Variants in PDE4D observed in about 807,000 individuals in gnomAD.
PDE4D encodes 3',5'-cyclic-AMP phosphodiesterase 4D.
Under a neutral mutation model 87.4 loss-of-function variants are expected in PDE4D, and 24 were observed. The observed-to-expected ratio is 0.27, with a 90% CI of 0.20 to 0.39. PDE4D has a LOEUF of 0.39. Ranked by LOEUF, PDE4D falls within the 10% of genes least tolerant of loss-of-function variation. The pLI is 1.00. For missense variants in PDE4D, 714 were observed against 1,041.0 expected, an observed-to-expected ratio of 0.69 and a Z score of 4.32; for synonymous variants, 384 against 383.2, an observed-to-expected ratio of 1.00 and a Z score of -0.02.
intron 1 of PDE4D, among the ~76,000 whole-genome samples, chr5:59,795,196 C>T (rs1289116978): frequency 6.6e-6 from 1 of 152,224 alleles, no homozygotes; most frequent in Admixed American, 6.5e-5. Flanking sequence ...ATTGATTGAG[C>T]ATTCACCATT....
intron 1 of PDE4D, among the ~76,000 whole-genome samples, chr5:59,613,643 T>C (rs944930787): frequency 3.9e-5 from 6 of 152,282 alleles, no homozygotes; most frequent in Admixed American, 2.0e-4. Flanking sequence ...CTTGAGACCC[T>C]GGGGAAGAGA....
intron 1 of PDE4D, among the ~76,000 whole-genome samples, chr5:59,395,713 C>T (rs2547921): frequency 0.16 from 21,830 of 132,910 alleles, 2,411 homozygotes; most frequent in East Asian, 0.22. Flanking sequence ...TCACCAGCAA[C>T]AGAACAAAGC....
intron 3 of PDE4D, among the ~76,000 whole-genome samples, chr5:59,905,169 G>C (rs1394774641): frequency 1.3e-5 from 2 of 152,200 alleles, no homozygotes; most frequent in East Asian, 1.9e-4. Context: ...TATTACCAAG[G>C]CTGAGTAGTT....
intron 1 of PDE4D, among the ~76,000 whole-genome samples, chr5:60,518,786 T>C (rs968404013): frequency 1.3e-5 from 2 of 152,216 alleles, no homozygotes; most frequent in African/African-American, 2.4e-5. Context: ...AGGACACTAA[T>C]GCACAACCCA....
intron 6 of PDE4D, among the ~76,000 whole-genome samples, chr5:59,030,477 T>C (rs886921364): frequency 3.5e-5 from 5 of 143,988 alleles, no homozygotes; most frequent in Non-Finnish European, 7.5e-5. Context: ...CAGTGGCTCA[T>C]GCCTGTAATC....
intron 2 of PDE4D, among the ~76,000 whole-genome samples, chr5:60,036,746 G>A (rs969060884): frequency 1.2e-4 from 19 of 152,154 alleles, no homozygotes; most frequent in Admixed American, 3.9e-4. Context: ...AGTTACCCTC[G>A]TGTCCTCACA....
chr5:59,534,988 G>A (rs915840969), intron 1 of PDE4D, among the ~76,000 whole-genome samples: 8 of 151,200 alleles, frequency 5.3e-5, no homozygotes, highest in African/African-American at 1.7e-4. Context: ...TTAATATTGG[G>A]TATGATGCTT....
chr5:59,241,664 A>G (rs927566915), intron 1 of PDE4D, among the ~76,000 whole-genome samples: 1 of 152,188 alleles, frequency 6.6e-6, no homozygotes, highest in Non-Finnish European at 1.5e-5. Flanking sequence ...TTCCACTGAC[A>G]CTCAGGGGAC....
chr5:59,719,003 G>T (rs1052950559), intron 1 of PDE4D, among the ~76,000 whole-genome samples: 8 of 142,564 alleles, frequency 5.6e-5, no homozygotes, highest in African/African-American at 2.2e-4. Flanking sequence ...GCCACTCTTA[G>T]AATTAAAAAA....
chr5:59,182,941 C>A (rs1332615589), intron 4 of PDE4D, among the ~76,000 whole-genome samples: 2 of 152,182 alleles, frequency 1.3e-5, no homozygotes, highest in African/African-American at 2.4e-5. Context: ...TTCCTAGACT[C>A]CTTTTCTGCA....
At chr5:59,827,462 T>C (rs1464002178) in intron 1 of PDE4D, among the ~76,000 whole-genome samples, 2 of 152,164 alleles carry the variant, frequency 1.3e-5, no homozygotes, top group Admixed American at 6.5e-5. Context: ...TTCAGGATTA[T>C]TATGCACATG....
intron 1 of PDE4D, among the ~76,000 whole-genome samples, chr5:60,487,007 A>G (rs751997754): frequency 4.6e-5 from 7 of 152,242 alleles, no homozygotes; most frequent in Non-Finnish European, 8.8e-5. Flanking sequence ...GCTAGGGGAA[A>G]TCAATAATGA....
At chr5:60,382,482 CT>C (rs1420285232) in intron 1 of PDE4D, among the ~76,000 whole-genome samples, 2 of 152,170 alleles carry the variant, frequency 1.3e-5, no homozygotes, top group African/African-American at 4.8e-5. Context: ...AAGCCACTCA[CT>C]TTTGTTTCTG....
chr5:59,234,280 T>C (rs1755878454), intron 1 of PDE4D, among the ~76,000 whole-genome samples: 1 of 152,148 alleles, frequency 6.6e-6, no homozygotes, highest in African/African-American at 2.4e-5. Flanking sequence ...ATTTTGTCTT[T>C]CTTTTTTCTT....
intron 1 of PDE4D, among the ~76,000 whole-genome samples, chr5:59,456,074 C>A (rs562040793): frequency 6.6e-6 from 1 of 152,228 alleles, no homozygotes; most frequent in South Asian, 2.1e-4. Context: ...TGAGATAATG[C>A]TGAAATGAGT....
intron 2 of PDE4D, among the ~76,000 whole-genome samples, chr5:60,110,026 A>T (rs951279458): frequency 1.3e-5 from 2 of 152,098 alleles, no homozygotes; most frequent in East Asian, 3.8e-4. Flanking sequence ...ATTAAAAAAA[A>T]ATTAAAAACC....
chr5:60,071,684 G>C (rs1772735774), intron 2 of PDE4D, among the ~76,000 whole-genome samples: 1 of 151,760 alleles, frequency 6.6e-6, no homozygotes, highest in African/African-American at 2.4e-5. Context: ...AGATTATTTT[G>C]TCACCCAGTT....
intron 1 of PDE4D, among the ~76,000 whole-genome samples, chr5:60,316,056 G>T (rs187744096): frequency 3.9e-5 from 6 of 152,244 alleles, no homozygotes; most frequent in Admixed American, 3.3e-4. Context: ...GGATGGCATT[G>T]AATCGATAAA....
At chr5:60,351,135 G>A (rs538827918) in intron 1 of PDE4D, among the ~76,000 whole-genome samples, 20 of 152,230 alleles carry the variant, frequency 1.3e-4, no homozygotes, top group African/African-American at 4.1e-4. Flanking sequence ...GAGAAACTCC[G>A]TTTGTGGCCC....
Sources: gnomAD v4.1 joint callset for allele counts (sites outside exome capture counted in the v4.1 genomes callset) on GRCh38, gnomAD v4.1.1 for gene constraint, MANE v1.5 for transcripts, NCBI Gene and HGNC (gene_info 2026-07-23, HGNC 2026-07-21) for gene names.